The following ZC3H12B variants were observed in gnomAD, a reference collection of about 807,000 sequenced individuals.
ZC3H12B encodes the protein zinc finger CCCH-type containing 12B, also known as probable ribonuclease ZC3H12B.
Under a neutral mutation model 43.9 loss-of-function variants are expected in ZC3H12B, and 7 were observed. That is an observed-to-expected ratio of 0.16 (90% CI 0.09 to 0.30). The LOEUF (loss-of-function observed/expected upper bound fraction) is 0.30, where lower values mean the gene tolerates loss of function less well. Among genes scored for constraint, ZC3H12B ranks in the 10% least tolerant of loss-of-function variants. The pLI, the probability that ZC3H12B is intolerant of heterozygous loss-of-function variation, is 1.00. For synonymous variants in ZC3H12B, 222 were observed against 241.7 expected (o/e 0.92, Z 0.76); for missense variants, 475 against 670.2 (o/e 0.71, Z 3.22).
chrX:65,349,554 C>CA, the ZC3H12B span, among the ~76,000 whole-genome samples: 2 of 110,976 alleles, frequency 1.8e-5, no homozygotes, highest in Admixed American at 9.6e-5. Context: ...AAAAACCCTT[C>CA]AAAAAATCAA....
At chrX:65,220,351 A>G in the ZC3H12B span, among the ~76,000 whole-genome samples, 1 of 111,913 alleles carries the variant, frequency 8.9e-6, no homozygotes, top group African/African-American at 3.2e-5. Flanking sequence ...AAGACCTCAC[A>G]TCTCAATACT....
chrX:65,243,115 A>T, the ZC3H12B span, among the ~76,000 whole-genome samples: 1 of 112,163 alleles, frequency 8.9e-6, no homozygotes, highest in Admixed American at 9.5e-5. Flanking sequence ...CAAATTATAA[A>T]TGGACAATTG....
the ZC3H12B span, among the ~76,000 whole-genome samples, chrX:65,152,579 A>T: frequency 9.0e-6 from 1 of 111,348 alleles, no homozygotes; most frequent in Non-Finnish European, 1.9e-5. Flanking sequence ...TCAATGAAAT[A>T]AAAGAGGATA....
the ZC3H12B span, among the ~76,000 whole-genome samples, chrX:65,238,348 A>T: frequency 9.0e-6 from 1 of 111,601 alleles, no homozygotes; most frequent in African/African-American, 3.3e-5. Flanking sequence ...CCAGAAATTT[A>T]TCCATTTATT....
At chrX:65,309,056 C>A in the ZC3H12B span, among the ~76,000 whole-genome samples, 1 of 110,662 alleles carries the variant, frequency 9.0e-6, no homozygotes, top group Admixed American at 9.6e-5. Flanking sequence ...AAAATCAACA[C>A]CCTAACATCA....
At chrX:65,058,661 C>T in the ZC3H12B span, among the ~76,000 whole-genome samples, 1 of 112,051 alleles carries the variant, frequency 8.9e-6, no homozygotes, top group Admixed American at 9.4e-5. Context: ...TCGGCTGTGC[C>T]CTGCCCACAG....
the ZC3H12B span, among the ~76,000 whole-genome samples, chrX:65,129,110 T>C: frequency 9.1e-6 from 1 of 110,254 alleles, no homozygotes; most frequent in Non-Finnish European, 1.9e-5. Flanking sequence ...TCTTTGTTTC[T>C]TTTTTTTGTT....
the ZC3H12B span, among the ~76,000 whole-genome samples, chrX:65,218,818 C>A: frequency 9.0e-6 from 1 of 111,579 alleles, no homozygotes; most frequent in African/African-American, 3.3e-5. Context: ...ACTACTGCAG[C>A]TGATGCACTC....
At chrX:65,130,613 T>C in the ZC3H12B span, among the ~76,000 whole-genome samples, 1 of 111,439 alleles carries the variant, frequency 9.0e-6, no homozygotes, top group African/African-American at 3.3e-5. Flanking sequence ...ATTTCTACAA[T>C]GGAAAGGAAA....
intron 1 of ZC3H12B, among the ~76,000 whole-genome samples, chrX:65,368,363 T>A (rs1019010219): frequency 1.8e-5 from 2 of 111,382 alleles, no homozygotes; most frequent in South Asian, 3.7e-4. Context: ...GCATAAAAGG[T>A]CAAAAAGAGG....
chrX:65,388,027 C>G (rs184912820), intron 2 of ZC3H12B, among the ~76,000 whole-genome samples: 1 of 112,307 alleles, frequency 8.9e-6, no homozygotes, highest in Admixed American at 9.4e-5. Context: ...GTCTGATGGG[C>G]TTCCCTTTTT....
the ZC3H12B span, among the ~76,000 whole-genome samples, chrX:65,105,841 G>T: frequency 9.0e-6 from 1 of 111,093 alleles, no homozygotes; most frequent in African/African-American, 3.3e-5. Flanking sequence ...TATGCCTAAA[G>T]GGTTGCCAGA....
At chrX:65,292,628 T>C in the ZC3H12B span, among the ~76,000 whole-genome samples, 1 of 104,968 alleles carries the variant, frequency 9.5e-6, no homozygotes, top group Non-Finnish European at 1.9e-5. Flanking sequence ...AAATAGAAGT[T>C]TTTTTTTTTT....
chrX:65,236,883 T>C, the ZC3H12B span, among the ~76,000 whole-genome samples: 1 of 112,015 alleles, frequency 8.9e-6, no homozygotes, highest in African/African-American at 3.3e-5. Flanking sequence ...TTCTGAGTTC[T>C]CTATTATCTT....
chrX:65,257,922 G>A, the ZC3H12B span, among the ~76,000 whole-genome samples: 6 of 111,208 alleles, frequency 5.4e-5, no homozygotes, highest in Non-Finnish European at 1.1e-4. Context: ...CCCAAGAGCA[G>A]GCAAATTCAC....
chrX:65,441,752 G>T lies in ZC3H12B; in HGVS notation n.407+43048G>T, dbSNP rs951420327. On this transcript the variant is annotated intron_variant and non_coding_transcript_variant, in intron 3 of 5. Transcript: ENST00000617377. ...ACTCCAGTTGGGACCTTTTGCAGGG[G>T]TTCCCCAGGCAGAAGGCTCACAGCT... Among the ~76,000 whole-genome samples, 6 of 111,390 alleles carry T rather than the reference G, an allele frequency of 5.4e-5. 1 individual carries two copies. The highest frequency in any genetic ancestry group is 2.0e-4 in the African/African-American group (6 of 30,639).
At chrX:65,200,049 G>A in the ZC3H12B span, among the ~76,000 whole-genome samples, 124 of 111,404 alleles carry the variant, frequency 1.1e-3, no homozygotes, top group African/African-American at 3.7e-3. Flanking sequence ...TTCTACAATG[G>A]TTGAACTAAT....
the ZC3H12B span, among the ~76,000 whole-genome samples, chrX:65,276,494 G>A: frequency 1.8e-5 from 2 of 111,307 alleles, no homozygotes; most frequent in Non-Finnish European, 3.8e-5. Context: ...GACTAACAGT[G>A]GATTTCTCAT....
At chrX:65,489,562 G>T (rs2068176038) in intron 1 of ZC3H12B, among the ~76,000 whole-genome samples, 153 bp downstream of exon 6, 1 of 111,821 alleles carries the variant, frequency 8.9e-6, no homozygotes, top group Non-Finnish European at 1.9e-5. Context: ...TCCTGCCCTT[G>T]CCTTTTCTTC....
Sources: gnomAD v4.1 joint callset for allele counts (sites outside exome capture counted in the v4.1 genomes callset) on GRCh38, gnomAD v4.1.1 for gene constraint, MANE v1.5 for transcripts, NCBI Gene and HGNC (gene_info 2026-07-23, HGNC 2026-07-21) for gene names.